Variants in ZNF383 observed in about 807,000 individuals in gnomAD.
ZNF383 encodes the protein zinc finger protein 383.
ZNF383 carries 32 observed loss-of-function variants against 44.2 expected under a neutral mutation model. The ratio of observed to expected loss-of-function variants is 0.72; its 90% CI spans 0.55 to 0.97. The LOEUF is 0.97. Among genes scored for constraint, ZNF383 ranks in the 50% least tolerant of loss-of-function variants. The pLI, the probability that ZNF383 is intolerant of heterozygous loss-of-function variation, is 0.00. For synonymous variants in ZNF383, 155 were observed against 186.2 expected (o/e 0.83, Z 1.36); for missense variants, 487 against 562.5 (o/e 0.87, Z 1.36).
In ZNF383 at chr19:37,245,947, C is replaced by G. The variant is rs1485230958; in HGVS notation, c.*2283C>G. The G allele has an allele frequency of 6.6e-6, 1 of 150,430 alleles. No homozygotes were observed. The allele number at this position is 150,430 out of a possible 1,614,324, so 9.3% of individuals were successfully genotyped here. On this transcript the variant is annotated 3_prime_UTR_variant, in exon 6 of 6. Transcript: ENST00000684119. ...GAGTAGCTGGGACTACAGGCGCGCGCCACCATGCCTAGCTAATTTTTGTAT... is the reference window on the plus strand; with the variant it reads ...GAGTAGCTGGGACTACAGGCGCGCGGCACCATGCCTAGCTAATTTTTGTAT...
At position 37,246,407 on chromosome 19, in the gene ZNF383, T is replaced by C. The variant is rs1192100964; in HGVS notation, c.*2743T>C. 1 of 152,116 alleles carries C rather than the reference T, an allele frequency of 6.6e-6. No individual in the cohort carries two copies. Among genetic ancestry groups the C allele is most frequent in the Admixed American group, 6.6e-5 (1 of 15,264 alleles). 9.4% of individuals were successfully genotyped at this position (152,116 alleles called of 1,614,324 possible). On this transcript the variant is annotated 3_prime_UTR_variant, in exon 6 of 6. Coordinates refer to ENST00000684119, the MANE Select transcript of ZNF383 (RefSeq NM_001387601.1). ...CTATCATTATTATTCAGTGTGGAAT[T>C]TTAAAAGGAAGAGAAAAAGTATGTG...
chr19:37,229,688 G>T lies in ZNF383; in HGVS notation c.-45-721G>T, dbSNP rs1054170859. Reference sequence around the variant, plus strand: ...TATATATATGTATGTATATGTGTGTGTATATATATGTATATATATATGTGT... The same window carrying T: ...TATATATATGTATGTATATGTGTGTTTATATATATGTATATATATATGTGT... On this transcript the variant is annotated intron_variant, in intron 2 of 5. Transcript: ENST00000684119. Among the ~76,000 whole-genome samples, 4 of 117,018 alleles carry T rather than the reference G, an allele frequency of 3.4e-5. No individual in the cohort carries two copies. The Admixed American group carries it at 3.5e-4, about 10-fold the overall frequency. The allele number at this position is 117,018 out of a possible 152,430, so 76.8% of individuals were successfully genotyped here. A position where few individuals can be genotyped will look rare whatever the true frequency, so the allele number is the denominator to read the frequency against.
intron 3 of ZNF383, among the ~76,000 whole-genome samples, chr19:37,234,668 G>A (rs183184702): frequency 6.6e-6 from 1 of 152,280 alleles, no homozygotes; most frequent in Non-Finnish European, 1.5e-5. Flanking sequence ...GGGATTACAG[G>A]CATGAGCCAC....
At chr19:37,233,167 G>A (rs1217309486) in intron 3 of ZNF383, among the ~76,000 whole-genome samples, 1 of 151,758 alleles carries the variant, frequency 6.6e-6, no homozygotes, top group Non-Finnish European at 1.5e-5. Context: ...GTCTTGCTCT[G>A]TCGCCCAGGC....
In ZNF383 at chr19:37,243,868, TTTCA is replaced by T. The variant is rs1351846325; in HGVS notation, c.*211_*214del. ...ACCGATGCCAGCTGTTCTATAATTCTTTCATTCATTGTTTTGTTCTACTTTCTTG... is the reference window on the plus strand; with the variant it reads ...ACCGATGCCAGCTGTTCTATAATTCTTTCATTGTTTTGTTCTACTTTCTTG... On this transcript the variant is annotated 3_prime_UTR_variant, in exon 6 of 6. Transcript: ENST00000684119. The T allele has an allele frequency of 9.0e-6, 4 of 442,588 alleles. No individual in the cohort carries two copies. Among genetic ancestry groups the T allele is most frequent in the African/African-American group, 4.0e-5 (2 of 50,514 alleles). 27.4% of individuals were successfully genotyped at this position (442,588 alleles called of 1,614,324 possible).
At position 37,245,709 on chromosome 19, in the gene ZNF383, G is replaced by GTGA. The variant is rs1474550403; in HGVS notation, c.*2047_*2049dup. On this transcript the variant is annotated 3_prime_UTR_variant, in exon 6 of 6. Coordinates refer to ENST00000684119, the MANE Select transcript of ZNF383 (RefSeq NM_001387601.1). ...AGGCTGGTCTTGAACTCTTGACCTT[G>GTGA]TGATCCACCCACCTCGGCCTCCCAA... 6.6e-6 allele frequency: 1 copy of GTGA among 151,834 alleles called. No homozygotes were observed. The highest frequency in any genetic ancestry group is 1.5e-5 in the Non-Finnish European group (1 of 68,024). 9.4% of individuals were successfully genotyped at this position (151,834 alleles called of 1,614,324 possible).
In ZNF383 at chr19:37,248,226, T is replaced by C. The variant is rs148217930; in HGVS notation, c.*4562T>C. The C allele has an allele frequency of 6.6e-6, 1 of 152,344 alleles. No individual in the cohort carries two copies. The highest frequency in any genetic ancestry group is 2.4e-5 in the African/African-American group (1 of 41,580). 9.4% of individuals were successfully genotyped at this position (152,344 alleles called of 1,614,324 possible). The stretch of plus-strand genomic sequence containing the variant: ...AAAGACACCAAGGTAGAGATTTTTA[T>C]AGGTGAAATCTATGAAATGTCTTAG... On this transcript the variant is annotated 3_prime_UTR_variant, in exon 6 of 6. Transcript: ENST00000684119.
chr19:37,221,496 G>A (rs1055759417), intron 1 of ZNF383, among the ~76,000 whole-genome samples: 5 of 152,104 alleles, frequency 3.3e-5, no homozygotes, highest in African/African-American at 1.2e-4. Context: ...TGGGAGGATT[G>A]TTTGAACCTA....
chr19:37,234,040 TTTTAGTAAAGACG>T (rs980035278), intron 3 of ZNF383, among the ~76,000 whole-genome samples: 3 of 151,690 alleles, frequency 2.0e-5, no homozygotes, highest in African/African-American at 7.3e-5. Context: ...AATTTTGTAT[TTTTAGTAAAGACG>T]GGGTTTCTCC....
rs2145546054 is a variant in ZNF383 at position 37,242,782 on chromosome 19, C to T, written c.546C>T (p.Asn182=). The T allele has an allele frequency of 6.2e-7, 1 of 1,614,118 alleles. No individual in the cohort carries two copies. ...CKKCGKAFSQ[N]SQFIQHQRIH... ...AATGTGGAAAGGCCTTTAGTCAGAA[C>T]TCACAATTTATTCAACATCAGAGAA... The change falls in exon 6 of 6, where the codon AAC becomes AAT. Residue 182 remains asparagine (N), a synonymous_variant. Coordinates refer to ENST00000684119, the MANE Select transcript of ZNF383 (RefSeq NM_001387601.1).
rs560756832 is a variant in ZNF383 at position 37,229,734 on chromosome 19, A to G, written c.-45-675A>G. 4.5e-4 allele frequency among the ~76,000 whole-genome samples: 65 copies of G among 144,070 alleles called. No individual in the cohort carries two copies. In the East Asian group the frequency reaches 4.6e-3, roughly 10 times the overall value. The allele number at this position is 144,070 out of a possible 152,430, so 94.5% of individuals were successfully genotyped here. On this transcript the variant is annotated intron_variant, in intron 2 of 5. Transcript: ENST00000684119. ...TGTGTGTGTATATATATGTATATAT[A>G]TGTGTGTGTATATATGTATATATGT...
At chr19:37,239,886 G>T (rs1044703304) in intron 5 of ZNF383, among the ~76,000 whole-genome samples, 1 of 152,050 alleles carries the variant, frequency 6.6e-6, no homozygotes, top group Admixed American at 6.6e-5. Flanking sequence ...TCTGCCGGGC[G>T]CAGTGGCTCA....
intron 2 of ZNF383, among the ~76,000 whole-genome samples, chr19:37,229,523 AT>A (rs1216772427): frequency 6.2e-5 from 9 of 144,652 alleles, no homozygotes; most frequent in African/African-American, 2.3e-4. Flanking sequence ...CGATGGCACA[AT>A]CTCAGCTCAC....
intron 1 of ZNF383, among the ~76,000 whole-genome samples, chr19:37,221,834 T>TA (rs1411190909): frequency 1.3e-4 from 20 of 149,180 alleles, no homozygotes; most frequent in African/African-American, 4.9e-4. Context: ...CGGCCGCCTA[T>TA]AGTCCCAGCT....
chr19:37,238,016 C>T (rs900245715), intron 5 of ZNF383, among the ~76,000 whole-genome samples: 1 of 151,978 alleles, frequency 6.6e-6, no homozygotes, highest in Admixed American at 6.6e-5. Context: ...GCACACGTCA[C>T]CACGCCCAGC....
In ZNF383 at chr19:37,223,448, A is replaced by T. The variant is rs139787841; in HGVS notation, c.-167-1370A>T. On this transcript the variant is annotated intron_variant, in intron 1 of 5. Coordinates refer to ENST00000684119, the MANE Select transcript of ZNF383 (RefSeq NM_001387601.1). ...TGTGGTGACTCATGCCTGTAATCCC[A>T]GCACTTTAGGAAACCGAGGCAGGAG... is the stretch of plus-strand genomic sequence containing the variant. Among the ~76,000 whole-genome samples the T allele has an allele frequency of 9.2e-5, 14 of 152,292 alleles. No homozygotes were observed. In the East Asian group the frequency reaches 2.5e-3, roughly 27 times the overall value.
intron 3 of ZNF383, among the ~76,000 whole-genome samples, chr19:37,234,409 G>T (rs1300821235): frequency 7.9e-5 from 12 of 151,570 alleles, no homozygotes; most frequent in Admixed American, 7.9e-4. Context: ...TATTTTTTGA[G>T]ACAGAGTCTT....
Position 37,248,327 on chromosome 19 carries a change from C to A in ZNF383, c.*4663C>A, listed in dbSNP as rs1568537204. 6.6e-6 allele frequency: 1 copy of A among 152,122 alleles called. No homozygotes were observed. The highest frequency in any genetic ancestry group is 2.4e-5 in the African/African-American group (1 of 41,420). The allele number at this position is 152,122 out of a possible 1,614,324, so 9.4% of individuals were successfully genotyped here. On this transcript the variant is annotated 3_prime_UTR_variant, in exon 6 of 6. Coordinates refer to ENST00000684119, the MANE Select transcript of ZNF383 (RefSeq NM_001387601.1). ...TTTGTCATAATCCTGATGTTACAAC[C>A]TACTAGAACCCAAAACAATTTGTCC...
At chr19:37,237,561 C>T (rs1973879681) in intron 5 of ZNF383, among the ~76,000 whole-genome samples, 1 of 152,156 alleles carries the variant, frequency 6.6e-6, no homozygotes, top group Non-Finnish European at 1.5e-5. Context: ...AGCCTACATT[C>T]TAGAGGGTAA....
Sources: allele counts gnomAD v4.1 joint callset (sites outside exome capture counted in the v4.1 genomes callset), GRCh38; gene constraint gnomAD v4.1.1; transcripts MANE v1.5; gene names NCBI Gene and HGNC (gene_info 2026-07-23, HGNC 2026-07-21).